FBXL17: variants seen among roughly 807,000 people sequenced by gnomAD.
FBXL17 encodes F-box and leucine rich repeat protein 17, also known as F-box/LRR-repeat protein 17.
Under a neutral mutation model 66.2 loss-of-function variants are expected in FBXL17, and 22 were observed. The ratio of observed to expected loss-of-function variants is 0.33; its 90% CI spans 0.24 to 0.47. The LOEUF (loss-of-function observed/expected upper bound fraction) is 0.47, where lower values mean the gene tolerates loss of function less well. Ranked by LOEUF, FBXL17 falls within the 20% of genes least tolerant of loss-of-function variation. The pLI is 1.00. For missense variants in FBXL17, 878 were observed against 948.2 expected (o/e 0.93, Z 0.97); for synonymous variants, 474 against 400.5 (o/e 1.18, Z -2.19).
chr5:108,347,887 T>C (rs1747383131), intron 4 of FBXL17, among the ~76,000 whole-genome samples: 1 of 152,202 alleles, frequency 6.6e-6, no homozygotes, highest in Non-Finnish European at 1.5e-5. Context: ...ATTAAATGTG[T>C]CTGCATTACC....
intron 2 of FBXL17, among the ~76,000 whole-genome samples, chr5:108,365,713 T>G (rs1221143129): frequency 6.6e-6 from 1 of 152,094 alleles, no homozygotes; most frequent in Non-Finnish European, 1.5e-5. Context: ...ATCTGAAGTG[T>G]GGGTAGTCTT....
intron 6 of FBXL17, among the ~76,000 whole-genome samples, chr5:108,181,489 A>C (rs546338797): frequency 6.6e-6 from 1 of 152,362 alleles, no homozygotes; most frequent in East Asian, 1.9e-4. Flanking sequence ...AGTCACAGAG[A>C]TCAATTCAAG....
chr5:108,230,052 A>T (rs1354709918), intron 4 of FBXL17, among the ~76,000 whole-genome samples: 1 of 152,160 alleles, frequency 6.6e-6, no homozygotes, highest in Non-Finnish European at 1.5e-5. Context: ...TGACCATAAT[A>T]AAAAAATCAA....
At chr5:108,267,589 A>G (rs1309110811) in intron 4 of FBXL17, among the ~76,000 whole-genome samples, 1 of 152,078 alleles carries the variant, frequency 6.6e-6, no homozygotes, top group African/African-American at 2.4e-5. Context: ...TCCCTCATCT[A>G]TGGTTTATTA....
intron 7 of FBXL17, among the ~76,000 whole-genome samples, chr5:107,903,173 C>T (rs556642616): frequency 2.6e-4 from 40 of 152,242 alleles, no homozygotes; most frequent in African/African-American, 9.4e-4. Flanking sequence ...TGATATTTTA[C>T]AGACCTTACA....
At chr5:107,943,491 C>T (rs1751182045) in intron 7 of FBXL17, among the ~76,000 whole-genome samples, 2 of 151,874 alleles carry the variant, frequency 1.3e-5, no homozygotes, top group Admixed American at 1.3e-4. Context: ...CAACATTTTT[C>T]TCATTCATCC....
At chr5:108,095,599 G>T (rs1392226218) in intron 6 of FBXL17, among the ~76,000 whole-genome samples, 1 of 151,982 alleles carries the variant, frequency 6.6e-6, no homozygotes, top group African/African-American at 2.4e-5. Context: ...GATAATTTTT[G>T]ATTCTTCAAC....
chr5:108,320,505 C>G (rs2150217189), intron 4 of FBXL17, among the ~76,000 whole-genome samples: 1 of 151,762 alleles, frequency 6.6e-6, no homozygotes, highest in East Asian at 1.9e-4. Flanking sequence ...AAAAATTGGA[C>G]TATAATAATT....
intron 4 of FBXL17, among the ~76,000 whole-genome samples, chr5:108,294,738 A>G (rs1468839619): frequency 6.6e-6 from 1 of 152,120 alleles, no homozygotes; most frequent in Non-Finnish European, 1.5e-5. Context: ...AAGAAAACTC[A>G]TCAAGACAAC....
chr5:108,360,176 T>A (rs1259375931), intron 3 of FBXL17, among the ~76,000 whole-genome samples: 2 of 152,106 alleles, frequency 1.3e-5, no homozygotes, highest in African/African-American at 4.8e-5. Flanking sequence ...GTTACTTTCA[T>A]CAGTTTTCTT....
intron 4 of FBXL17, among the ~76,000 whole-genome samples, chr5:108,297,129 A>G (rs1428706034): frequency 2.0e-5 from 3 of 151,602 alleles, no homozygotes; most frequent in Non-Finnish European, 1.5e-5. Context: ...TAATAACTCC[A>G]TAAATAAACA....
chr5:108,313,918 T>C (rs1231987123), intron 4 of FBXL17, among the ~76,000 whole-genome samples: 2 of 151,908 alleles, frequency 1.3e-5, no homozygotes, highest in Non-Finnish European at 2.9e-5. Context: ...AAAAATAAAA[T>C]TCTTACTAAT....
chr5:108,107,081 T>C (rs1054686696), intron 6 of FBXL17, among the ~76,000 whole-genome samples: 7 of 152,218 alleles, frequency 4.6e-5, no homozygotes, highest in African/African-American at 1.7e-4. Flanking sequence ...TAATTTTATT[T>C]ATTTTTTTGA....
chr5:108,087,409 C>A (rs183555635), intron 6 of FBXL17, among the ~76,000 whole-genome samples: 1 of 152,140 alleles, frequency 6.6e-6, no homozygotes, highest in East Asian at 1.9e-4. Context: ...CTGAGTGAGG[C>A]GGAGCATAAA....
intron 4 of FBXL17, among the ~76,000 whole-genome samples, chr5:108,283,800 T>C (rs901522747): frequency 1.3e-5 from 2 of 151,732 alleles, no homozygotes; most frequent in African/African-American, 4.8e-5. Context: ...GGGACTAATA[T>C]ACAGAATATA....
chr5:107,980,645 A>ATATATATATATATATATATATAT lies in FBXL17; in HGVS notation c.1822+40279_1822+40280insATATATATATATATATATATATA, dbSNP rs1554054251. Among the ~76,000 whole-genome samples, 62 of 79,160 alleles carry ATATATATATATATATATATATAT rather than the reference A, an allele frequency of 7.8e-4. 2 individuals are homozygous for ATATATATATATATATATATATAT. The highest frequency in any genetic ancestry group is 0.011 in the Middle Eastern group (2 of 176). The allele number at this position is 79,160 out of a possible 152,430, so 51.9% of individuals were successfully genotyped here. A position where few individuals can be genotyped will look rare whatever the true frequency, so the allele number is the denominator to read the frequency against. On this transcript the variant is annotated intron_variant, in intron 7 of 8. Coordinates refer to ENST00000542267, the MANE Select transcript of FBXL17 (RefSeq NM_001163315.3). ...AGCCACCATGACTGGCCAATAAAAT[A>ATATATATATATATATATATATAT]ATATATATATATATATATATTTTTT...
chr5:108,001,997 T>A (rs1753747502), intron 7 of FBXL17, among the ~76,000 whole-genome samples: 1 of 152,074 alleles, frequency 6.6e-6, no homozygotes, highest in Non-Finnish European at 1.5e-5. Flanking sequence ...TCAAATGACA[T>A]AAATTTCAAA....
intron 4 of FBXL17, among the ~76,000 whole-genome samples, chr5:108,234,163 A>C (rs1056836989): frequency 1.3e-5 from 2 of 152,302 alleles, no homozygotes; most frequent in Admixed American, 6.5e-5. Context: ...ACTGTTTCTA[A>C]ACATGATTTG....
intron 6 of FBXL17, among the ~76,000 whole-genome samples, chr5:108,039,428 C>T (rs1746965232): frequency 1.3e-5 from 2 of 151,962 alleles, no homozygotes; most frequent in Admixed American, 1.3e-4. Context: ...TTAGTAAATA[C>T]TATAACTGTG....
Sources: gnomAD v4.1 joint callset for allele counts (sites outside exome capture counted in the v4.1 genomes callset) on GRCh38, gnomAD v4.1.1 for gene constraint, MANE v1.5 for transcripts, NCBI Gene and HGNC (gene_info 2026-07-23, HGNC 2026-07-21) for gene names.